The following GIPC2 variants were observed in gnomAD, a reference collection of about 807,000 sequenced individuals.
GIPC2 encodes GIPC PDZ domain containing family member 2, also known as PDZ domain-containing protein GIPC2.
GIPC2 carries 30 observed loss-of-function variants against 30.6 expected under a neutral mutation model. The observed-to-expected ratio is 0.98, with a 90% CI of 0.73 to 1.33. GIPC2 has a LOEUF of 1.33. Ranked by LOEUF, GIPC2 falls within the 40% of genes most tolerant of loss-of-function variation. GIPC2 has a pLI of 0.00. For missense variants in GIPC2, 414 were observed against 390.3 expected, an observed-to-expected ratio of 1.06 and a Z score of -0.51; for synonymous variants, 167 against 150.0, an observed-to-expected ratio of 1.11 and a Z score of -0.83.
At chr1:78,078,849 A>AC (rs1415393477) in intron 1 of GIPC2, among the ~76,000 whole-genome samples, 1 of 151,464 alleles carries the variant, frequency 6.6e-6, no homozygotes, top group Admixed American at 6.6e-5. Context: ...AAAAAAAAAA[A>AC]AAAAAAACAA....
At position 78,135,578 on chromosome 1, in the gene GIPC2, A is replaced by G; in HGVS notation, c.797-14A>G. 1 of 1,466,716 alleles carries G rather than the reference A, an allele frequency of 6.8e-7. No individual in the cohort carries two copies. Among genetic ancestry groups the G allele is most frequent in the Non-Finnish European group, 9.2e-7 (1 of 1,084,818 alleles). 90.9% of individuals were successfully genotyped at this position (1,466,716 alleles called of 1,614,324 possible). A position where few individuals can be genotyped will look rare whatever the true frequency, so the allele number is the denominator to read the frequency against. On this transcript the variant is annotated splice_polypyrimidine_tract_variant and intron_variant, in intron 5 of 5. Coordinates refer to ENST00000370759, the MANE Select transcript of GIPC2 (RefSeq NM_017655.6). ...TTTCATTTATTGTTAATTTTTTAAT[A>G]TTATTTTTGATAGCCACCACAATGT...
intron 1 of GIPC2, among the ~76,000 whole-genome samples, chr1:78,072,568 A>G (rs779890377): frequency 4.6e-5 from 7 of 152,008 alleles, no homozygotes; most frequent in Non-Finnish European, 8.8e-5. Context: ...TTTCTCCCCC[A>G]TAATTATTTT....
At chr1:78,067,294 G>C in intron 1 of GIPC2, among the ~76,000 whole-genome samples, 1 of 152,026 alleles carries the variant, frequency 6.6e-6, no homozygotes, top group Non-Finnish European at 1.5e-5. Context: ...CTAATAAAAT[G>C]TACAATGAAT....
chr1:78,052,564 C>T (rs189943484), intron 1 of GIPC2, among the ~76,000 whole-genome samples: 62 of 152,200 alleles, frequency 4.1e-4, no homozygotes, highest in African/African-American at 1.1e-3. Flanking sequence ...AGGAAAGAGA[C>T]TAGCCTTTAG....
At chr1:78,058,194 G>A (rs1038260517) in intron 1 of GIPC2, among the ~76,000 whole-genome samples, 3 of 152,188 alleles carry the variant, frequency 2.0e-5, no homozygotes, top group Admixed American at 6.5e-5. Context: ...CAAGTTATTG[G>A]CTGCTCTTTG....
chr1:78,113,998 A>G lies in GIPC2; in HGVS notation c.608-5395A>G, dbSNP rs149283117. Among the ~76,000 whole-genome samples, 872 of 152,294 alleles carry G rather than the reference A, an allele frequency of 5.7e-3. 6 individuals carry two copies. Among genetic ancestry groups the G allele is most frequent in the Middle Eastern group, 0.01 (3 of 294 alleles). ...CTCATGTACTTTTAAATCAAAGCACATAATTAGAGTAACAGATACAATTGC... is the reference window on the plus strand; with the variant it reads ...CTCATGTACTTTTAAATCAAAGCACGTAATTAGAGTAACAGATACAATTGC... On this transcript the variant is annotated intron_variant, in intron 3 of 5. Coordinates refer to ENST00000370759, the MANE Select transcript of GIPC2 (RefSeq NM_017655.6).
Position 78,046,249 on chromosome 1 carries a change from G to C in GIPC2, c.155G>C (p.Ser52Thr). The change falls in exon 1 of 6, where the codon AGT becomes ACT. Residue 52 changes from serine to threonine, a missense_variant. Transcript: ENST00000370759. ...LVFHAQLAHG[S>T]ATGRVEGFSS... Reference sequence around the variant, plus strand: ...TTCCACGCGCAGCTGGCGCACGGTAGTGCCACGGGCCGAGTGGAGGGCTTC... The same window carrying C: ...TTCCACGCGCAGCTGGCGCACGGTACTGCCACGGGCCGAGTGGAGGGCTTC... The C allele has an allele frequency of 1.9e-6, 3 of 1,610,272 alleles. No individual in the cohort carries two copies. The highest frequency in any genetic ancestry group is 1.7e-6 in the Non-Finnish European group (2 of 1,178,878).
chr1:78,076,932 C>CT (rs1192606212), intron 1 of GIPC2, among the ~76,000 whole-genome samples: 6 of 151,626 alleles, frequency 4.0e-5, no homozygotes, highest in African/African-American at 1.5e-4. Flanking sequence ...CCATGCCTGG[C>CT]TATTTTTTTT....
At chr1:78,097,398 A>G (rs1662157873) in intron 3 of GIPC2, among the ~76,000 whole-genome samples, 1 of 152,186 alleles carries the variant, frequency 6.6e-6, no homozygotes, top group Non-Finnish European at 1.5e-5. Context: ...GATTTTAACA[A>G]AAGCTGTCAG....
intron 3 of GIPC2, among the ~76,000 whole-genome samples, chr1:78,109,810 G>A (rs1332975112): frequency 2.0e-5 from 3 of 152,082 alleles, no homozygotes; most frequent in African/African-American, 7.2e-5. Context: ...ATGATAGACT[G>A]GATTAAGAAA....
chr1:78,102,764 A>G (rs1662272413), intron 3 of GIPC2, among the ~76,000 whole-genome samples: 1 of 152,256 alleles, frequency 6.6e-6, no homozygotes, highest in Non-Finnish European at 1.5e-5. Context: ...TAAGTCTTCA[A>G]TAAGTTATCT....
chr1:78,126,168 A>G (rs1332705898), intron 5 of GIPC2, among the ~76,000 whole-genome samples: 2 of 152,340 alleles, frequency 1.3e-5, no homozygotes, highest in East Asian at 1.9e-4. Context: ...TAAACTTTAA[A>G]ACATTTTAGT....
intron 1 of GIPC2, among the ~76,000 whole-genome samples, chr1:78,079,439 T>A (rs1661785653): frequency 6.6e-6 from 1 of 152,156 alleles, no homozygotes; most frequent in Admixed American, 6.6e-5. Context: ...TGCACCCTAT[T>A]TCTGAGTGGG....
At chr1:78,045,446 G>T, upstream of GIPC2, 1 of 435,294 alleles carries the variant, frequency 2.3e-6, no homozygotes, top group Non-Finnish European at 3.1e-6. Flanking sequence ...GGGGCAAATG[G>T]CTTTGGAGGC....
At chr1:78,092,044 T>A in intron 2 of GIPC2, 1 of 1,529,622 alleles carries the variant, frequency 6.5e-7, no homozygotes, top group East Asian at 2.3e-5. Flanking sequence ...TCCTGTCTAC[T>A]GGCTCCAAGT....
intron 1 of GIPC2, among the ~76,000 whole-genome samples, chr1:78,078,925 AGAAAAGCTGTTTTC>A (rs1661772336): frequency 6.6e-6 from 1 of 151,962 alleles, no homozygotes; most frequent in Admixed American, 6.6e-5. Context: ...AAGGAGAGTC[AGAAAAGCTGTTTTC>A]TACACATACT....
Position 78,115,420 on chromosome 1 carries a change from C to G in GIPC2, c.608-3973C>G, listed in dbSNP as rs1889674. 4.1e-3 allele frequency among the ~76,000 whole-genome samples: 630 copies of G among 152,140 alleles called. 7 individuals carry two copies. The highest frequency in any genetic ancestry group is 0.014 in the African/African-American group (589 of 41,490). On this transcript the variant is annotated intron_variant, in intron 3 of 5. Transcript: ENST00000370759. ...TTGCTTGGTGAAATTGCAGTAGGGT[C>G]GGGGAAGGAGGTTGCATGTCTTAAG...
At chr1:78,069,921 G>A (rs1372122601) in intron 1 of GIPC2, among the ~76,000 whole-genome samples, 1 of 152,174 alleles carries the variant, frequency 6.6e-6, no homozygotes, top group Non-Finnish European at 1.5e-5. Context: ...GTTGTAGGGT[G>A]TAGTAAGGAA....
chr1:78,120,606 C>CA (rs1662662248), intron 4 of GIPC2, among the ~76,000 whole-genome samples: 1 of 152,146 alleles, frequency 6.6e-6, no homozygotes, highest in South Asian at 2.1e-4. Context: ...TTAACGGACT[C>CA]ACAGTTCCAC....
Sources: gnomAD v4.1 joint callset for allele counts (sites outside exome capture counted in the v4.1 genomes callset) on GRCh38, gnomAD v4.1.1 for gene constraint, MANE v1.5 for transcripts, NCBI Gene and HGNC (gene_info 2026-07-23, HGNC 2026-07-21) for gene names.